The following PTK2 variants were observed in gnomAD, a reference collection of about 807,000 sequenced individuals.
PTK2 encodes the protein focal adhesion kinase 1.
A neutral mutation model predicts 150.1 loss-of-function variants in PTK2; 45 were observed. That is an observed-to-expected ratio of 0.30 (90% CI 0.24 to 0.38). The LOEUF (loss-of-function observed/expected upper bound fraction) is 0.38, where lower values mean the gene tolerates loss of function less well. PTK2 is among the 10% of genes least tolerant of loss of function. The probability of loss-of-function intolerance (pLI) is 1.00; values close to 1 mark genes in which losing one functional copy is unlikely to be tolerated. For missense variants in PTK2, 919 were observed against 1,307.3 expected (o/e 0.70, Z 4.58); for synonymous variants, 432 against 449.2 (o/e 0.96, Z 0.48).
intron 2 of PTK2, among the ~76,000 whole-genome samples, chr8:140,911,467 A>G (rs2100163127): frequency 6.6e-6 from 1 of 152,182 alleles, no homozygotes; most frequent in Non-Finnish European, 1.5e-5. Context: ...TGCAAAATAG[A>G]AAAATGCTTG....
chr8:140,761,687 T>TA (rs2100069515), intron 15 of PTK2, among the ~76,000 whole-genome samples: 1 of 152,138 alleles, frequency 6.6e-6, no homozygotes, highest in Admixed American at 6.5e-5. Context: ...CTACAGTTTG[T>TA]AAATATGGAA....
intron 1 of PTK2, among the ~76,000 whole-genome samples, chr8:140,936,933 C>G (rs1478630963): frequency 6.6e-6 from 1 of 151,868 alleles, no homozygotes. Context: ...TTACATAAAG[C>G]TATTATAATG....
At chr8:140,890,506 T>G (rs760464132) in intron 3 of PTK2, 37 bp downstream of exon 3, 2 of 1,537,912 alleles carry the variant, frequency 1.3e-6, no homozygotes, top group Admixed American at 3.4e-5. Context: ...TTAACCTAAA[T>G]AAACATTAAA....
intron 5 of PTK2, among the ~76,000 whole-genome samples, chr8:140,849,173 G>A (rs372333665): frequency 3.3e-5 from 5 of 152,182 alleles, no homozygotes; most frequent in African/African-American, 7.2e-5. Context: ...TTTGTGGCCC[G>A]ATGTGATCAA....
At chr8:140,754,487 T>C (rs753004042) in intron 16 of PTK2, among the ~76,000 whole-genome samples, 1 of 152,194 alleles carries the variant, frequency 6.6e-6, no homozygotes, top group Non-Finnish European at 1.5e-5. Flanking sequence ...GCTGGTATAC[T>C]GTAAAACTGA....
At chr8:140,839,410 T>C (rs376820837) in intron 7 of PTK2, among the ~76,000 whole-genome samples, 9 of 152,240 alleles carry the variant, frequency 5.9e-5, no homozygotes, top group African/African-American at 1.9e-4. Flanking sequence ...TAACAGCAGA[T>C]TGAGACACCC....
intron 12 of PTK2, among the ~76,000 whole-genome samples, chr8:140,800,157 T>A (rs531093546): frequency 6.6e-6 from 1 of 152,282 alleles, no homozygotes; most frequent in East Asian, 1.9e-4. Flanking sequence ...AAACCCAAAA[T>A]TTTAAAAATA....
At chr8:140,754,967 A>G (rs1179718331) in intron 16 of PTK2, among the ~76,000 whole-genome samples, 1 of 152,240 alleles carries the variant, frequency 6.6e-6, no homozygotes, top group Non-Finnish European at 1.5e-5. Context: ...TTCGTAAAAT[A>G]CAGGCAATAT....
chr8:140,954,249 T>C (rs2100180478), intron 1 of PTK2, among the ~76,000 whole-genome samples: 1 of 152,152 alleles, frequency 6.6e-6, no homozygotes, highest in Non-Finnish European at 1.5e-5. Context: ...CAAAGTGCTG[T>C]GATTACAGGC....
At chr8:140,990,876 T>A (rs1009422870) in intron 1 of PTK2, among the ~76,000 whole-genome samples, 1 of 152,148 alleles carries the variant, frequency 6.6e-6, no homozygotes, top group African/African-American at 2.4e-5. Context: ...TCCTCAATTA[T>A]CAACATGCTG....
intron 10 of PTK2, among the ~76,000 whole-genome samples, chr8:140,807,125 T>TAATA (rs1275383080): frequency 1.3e-5 from 2 of 152,246 alleles, no homozygotes; most frequent in African/African-American, 4.8e-5. Context: ...TATTAGGTGC[T>TAATA]AGACTGTGTT....
rs117567283 is a variant in PTK2 at position 140,658,499 on chromosome 8, G to T, written c.*967C>A. On this transcript the variant is annotated 3_prime_UTR_variant, in exon 32 of 32. Transcript: ENST00000522684. Reference sequence around the variant, plus strand: ...TATCCCCCAACAAACTAAAGGGAGGGTATATTTTTTCAAAATTAACAGAAT... The same window carrying T: ...TATCCCCCAACAAACTAAAGGGAGGTTATATTTTTTCAAAATTAACAGAAT... The T allele has an allele frequency of 1.6e-4, 30 of 191,392 alleles. 1 individual carries two copies. The East Asian group carries it at 2.5e-3, about 16-fold the overall frequency. The allele number at this position is 191,392 out of a possible 1,614,324, so 11.9% of individuals were successfully genotyped here.
At chr8:140,823,492 T>TATAC (rs1401961376) in intron 8 of PTK2, among the ~76,000 whole-genome samples, 1 of 151,806 alleles carries the variant, frequency 6.6e-6, no homozygotes, top group Admixed American at 6.6e-5. Context: ...CATATATATA[T>TATAC]ATACACACCT....
At chr8:140,831,338 G>C (rs2100115271) in intron 7 of PTK2, among the ~76,000 whole-genome samples, 1 of 152,138 alleles carries the variant, frequency 6.6e-6, no homozygotes, top group Non-Finnish European at 1.5e-5. Context: ...GGAACGTCAG[G>C]AAACACATAA....
In PTK2 at chr8:140,746,865, G is replaced by GA; in HGVS notation, c.1418-6dup. On this transcript the variant is annotated splice_region_variant and splice_polypyrimidine_tract_variant and intron_variant, in intron 17 of 31. Transcript: ENST00000522684. ...GGTCAAACTGACGCATTGTTACTAG[G>GA]AAAAAAGTTCTCCATAGTTATTCTT... The GA allele has an allele frequency of 6.4e-7, 1 of 1,559,768 alleles. No homozygotes were observed. The highest frequency in any genetic ancestry group is 8.7e-7 in the Non-Finnish European group (1 of 1,144,684).
intron 10 of PTK2, among the ~76,000 whole-genome samples, chr8:140,811,767 G>A (rs1351501481): frequency 1.3e-5 from 2 of 152,176 alleles, no homozygotes; most frequent in Non-Finnish European, 2.9e-5. Flanking sequence ...ATTTCATAAT[G>A]CAACCGTAAG....
At chr8:140,717,801 G>C in intron 22 of PTK2, 92 bp from the exon 26 acceptor site, 1 of 946,310 alleles carries the variant, frequency 1.1e-6, no homozygotes, top group Admixed American at 1.7e-5. Flanking sequence ...AACACCAGTT[G>C]GCTAACAGTA....
chr8:140,834,752 T>C (rs1397145244), intron 7 of PTK2, among the ~76,000 whole-genome samples: 1 of 152,196 alleles, frequency 6.6e-6, no homozygotes, highest in Admixed American at 6.5e-5. Flanking sequence ...GCCATCGAGA[T>C]TTAAGGTTTT....
At chr8:140,732,622 T>C (rs756960302) in intron 22 of PTK2, 2 of 518,314 alleles carry the variant, frequency 3.9e-6, no homozygotes, top group Admixed American at 2.1e-5. Context: ...GGATGAGACA[T>C]ACTAGACTGT....
Sources: gnomAD v4.1 joint callset for allele counts (sites outside exome capture counted in the v4.1 genomes callset) on GRCh38, gnomAD v4.1.1 for gene constraint, MANE v1.5 for transcripts, NCBI Gene and HGNC (gene_info 2026-07-23, HGNC 2026-07-21) for gene names.